ERGIC2: variants seen among roughly 807,000 people sequenced by gnomAD.
ERGIC2 encodes endoplasmic reticulum-Golgi intermediate compartment protein 2.
Under a neutral mutation model 52.5 loss-of-function variants are expected in ERGIC2, and 31 were observed. The observed-to-expected ratio is 0.59, with a 90% CI of 0.44 to 0.80. ERGIC2 has a LOEUF of 0.80. Ranked by LOEUF, ERGIC2 falls within the 30% of genes least tolerant of loss-of-function variation. ERGIC2 has a pLI of 0.00. For missense variants in ERGIC2, 395 were observed against 455.2 expected, an observed-to-expected ratio of 0.87 and a Z score of 1.20; for synonymous variants, 129 against 140.6, an observed-to-expected ratio of 0.92 and a Z score of 0.58.
chr12:29,373,472 A>G (rs1940471534), intron 1 of ERGIC2, among the ~76,000 whole-genome samples: 1 of 152,302 alleles, frequency 6.6e-6, no homozygotes, highest in South Asian at 2.1e-4. Flanking sequence ...TCTGAAATCT[A>G]ATGGGGAGGA....
intron 13 of ERGIC2, 112 bp downstream of exon 13, chr12:29,341,622 C>G: frequency 1.5e-6 from 1 of 658,860 alleles, no homozygotes; most frequent in Non-Finnish European, 2.7e-6. Context: ...ATCCTCCCGC[C>G]TTAGCCTCCC....
rs1434199740 is a variant in ERGIC2, at chr12:29,341,032, T to C, written c.*124A>G. On this transcript the variant is annotated 3_prime_UTR_variant, in exon 14 of 14. Coordinates refer to ENST00000360150, the MANE Select transcript of ERGIC2 (RefSeq NM_016570.3). ...TTTTTTTATCCTTTTTTTTCTTTTT[T>C]AAAATAAGTATGTTTTCTGCTTATT... 3 of 745,708 alleles carry C rather than the reference T, an allele frequency of 4.0e-6. No homozygotes were observed. The East Asian group carries it at 8.3e-5, about 21-fold the overall frequency. The allele number at this position is 745,708 out of a possible 1,614,324, so 46.2% of individuals were successfully genotyped here.
chr12:29,376,759 T>C (rs79261358), intron 1 of ERGIC2, among the ~76,000 whole-genome samples: 4,675 of 152,244 alleles, frequency 0.031, 104 homozygotes, highest in Middle Eastern at 0.071. Flanking sequence ...TGGTAAGCCA[T>C]TTTCAAAAAT....
At chr12:29,364,832 G>T (rs1166312227) in intron 5 of ERGIC2, among the ~76,000 whole-genome samples, 1 of 151,428 alleles carries the variant, frequency 6.6e-6, no homozygotes, top group African/African-American at 2.4e-5. Flanking sequence ...ATATACAAGT[G>T]GTCAACAAAC....
intron 1 of ERGIC2, chr12:29,380,740 A>G (rs1940576961): frequency 6.6e-6 from 1 of 152,346 alleles, no homozygotes; most frequent in Non-Finnish European, 1.5e-5. Flanking sequence ...ATCCGGGAGG[A>G]CTGGGACTCG....
At chr12:29,361,855 A>G (rs545938996) in intron 5 of ERGIC2, among the ~76,000 whole-genome samples, 170 bp from the exon 6 acceptor site, 1 of 152,214 alleles carries the variant, frequency 6.6e-6, no homozygotes, top group African/African-American at 2.4e-5. Flanking sequence ...TTAATGTGCT[A>G]TCTTTACTGA....
intron 6 of ERGIC2, 52 bp from the exon 7 acceptor site, chr12:29,357,776 G>A: frequency 1.0e-6 from 1 of 969,858 alleles, no homozygotes; most frequent in Non-Finnish European, 1.6e-6. Context: ...AAAGAGAGCT[G>A]ACACTTATTC....
chr12:29,351,547 T>C (rs1264299035), intron 8 of ERGIC2, among the ~76,000 whole-genome samples: 1 of 152,136 alleles, frequency 6.6e-6, no homozygotes, highest in Non-Finnish European at 1.5e-5. Flanking sequence ...TTATCAAGAG[T>C]TTAGGAACTA....
chr12:29,338,233 T>C lies in ERGIC2; in HGVS notation c.*2923A>G, dbSNP rs1271906930. ...TCCTTCATGAATTCCAAAATTAAGA[T>C]TGTATTAAAGACTGTAAATCTTGTT... On this transcript the variant is annotated 3_prime_UTR_variant, in exon 14 of 14. Transcript: ENST00000360150. 3 of 151,830 alleles carry C rather than the reference T, an allele frequency of 2.0e-5. No homozygotes were observed. The highest frequency in any genetic ancestry group is 6.6e-5 in the Admixed American group (1 of 15,226). The allele number at this position is 151,830 out of a possible 1,614,324, so 9.4% of individuals were successfully genotyped here.
chr12:29,370,427 A>G (rs1217725560), intron 2 of ERGIC2, among the ~76,000 whole-genome samples: 2 of 152,016 alleles, frequency 1.3e-5, no homozygotes, highest in African/African-American at 4.8e-5. Context: ...GGTTTAATAT[A>G]TACAAATATG....
At position 29,350,004 on chromosome 12, in the gene ERGIC2, T is replaced by C. The variant is rs376348079; in HGVS notation, c.628+9A>G. On this transcript the variant is annotated intron_variant, in intron 9 of 13. Coordinates refer to ENST00000360150, the MANE Select transcript of ERGIC2 (RefSeq NM_016570.3). ...CATCTTTACTGAAAAAAAGTCAGAA[T>C]CTGCTTACATTCATGGTTGACAAGT... 2 of 1,581,848 alleles carry C rather than the reference T, an allele frequency of 1.3e-6. No homozygotes were observed. The highest frequency in any genetic ancestry group is 1.7e-6 in the Non-Finnish European group (2 of 1,152,974).
Position 29,343,288 on chromosome 12 carries a change from A to T in ERGIC2, c.826-6T>A, listed in dbSNP as rs1361136246. 6.3e-7 allele frequency: 1 copy of T among 1,575,608 alleles called. No individual in the cohort carries two copies. Among genetic ancestry groups the T allele is most frequent in the Admixed American group, 1.8e-5 (1 of 54,582 alleles). On this transcript the variant is annotated splice_polypyrimidine_tract_variant and splice_region_variant and intron_variant, in intron 11 of 13. Transcript: ENST00000360150. The stretch of plus-strand genomic sequence containing the variant: ...GCATGGTTAATGATACGTTCCTAAA[A>T]GGGAGGCAAAAGGAAGGGGAGAAAT...
chr12:29,351,144 C>T (rs1278516558), intron 8 of ERGIC2, among the ~76,000 whole-genome samples: 5 of 151,866 alleles, frequency 3.3e-5, no homozygotes, highest in Non-Finnish European at 1.5e-5. Context: ...GTTTTTATAT[C>T]TGACAAAAAA....
intron 5 of ERGIC2, among the ~76,000 whole-genome samples, chr12:29,364,329 C>A (rs1305134589): frequency 6.6e-6 from 1 of 152,048 alleles, no homozygotes; most frequent in Non-Finnish European, 1.5e-5. Context: ...TGATCTTTGA[C>A]AAAATCAACA....
chr12:29,347,969 T>C (rs1203355266), intron 10 of ERGIC2, among the ~76,000 whole-genome samples: 1 of 152,232 alleles, frequency 6.6e-6, no homozygotes, highest in East Asian at 1.9e-4. Flanking sequence ...TAGTTCATTT[T>C]AGCATCTTGA....
At chr12:29,366,771 AATT>A in intron 5 of ERGIC2, 103 bp downstream of exon 5, 1 of 579,228 alleles carries the variant, frequency 1.7e-6, no homozygotes, top group East Asian at 3.2e-5. Context: ...GAAATAAAAG[AATT>A]ATACTAAAAA....
At position 29,366,953 on chromosome 12, in the gene ERGIC2, T is replaced by A; in HGVS notation, c.263-6A>T. On this transcript the variant is annotated splice_region_variant and splice_polypyrimidine_tract_variant and intron_variant, in intron 4 of 13. Coordinates refer to ENST00000360150, the MANE Select transcript of ERGIC2 (RefSeq NM_016570.3). ...CAATACATCCGCTCCAACATCTGCA[T>A]AGAAAAAAGAATTAGAAGTTTTACA... 6.3e-7 allele frequency: 1 copy of A among 1,576,008 alleles called. No homozygotes were observed. Among genetic ancestry groups the A allele is most frequent in the Non-Finnish European group, 8.6e-7 (1 of 1,159,494 alleles).
At chr12:29,357,782 T>C (rs1176717269) in intron 6 of ERGIC2, 58 bp from the exon 7 acceptor site, 2 of 920,074 alleles carry the variant, frequency 2.2e-6, no homozygotes, top group Non-Finnish European at 1.8e-6. Flanking sequence ...AGCTGACACT[T>C]ATTCAAAAAT....
intron 5 of ERGIC2, among the ~76,000 whole-genome samples, chr12:29,361,924 T>C (rs1008264771): frequency 6.6e-6 from 1 of 152,180 alleles, no homozygotes; most frequent in Non-Finnish European, 1.5e-5. Context: ...TTATCGACAT[T>C]TACAGGAATA....
Sources: allele counts gnomAD v4.1 joint callset (sites outside exome capture counted in the v4.1 genomes callset), GRCh38; gene constraint gnomAD v4.1.1; transcripts MANE v1.5; gene names NCBI Gene and HGNC (gene_info 2026-07-23, HGNC 2026-07-21).